ANKRD33B: variants seen among roughly 807,000 people sequenced by gnomAD.
ANKRD33B encodes the protein ankyrin repeat domain 33B.
In ANKRD33B, 6 loss-of-function variants were observed where a neutral mutation model predicts 21.5. The observed-to-expected ratio is 0.28, with a 90% CI of 0.15 to 0.55. The LOEUF (loss-of-function observed/expected upper bound fraction) is 0.55. ANKRD33B is among the 20% of genes least tolerant of loss of function. The pLI is 0.94. For missense variants in ANKRD33B, 698 were observed against 747.2 expected, an observed-to-expected ratio of 0.93 and a Z score of 0.77; for synonymous variants, 347 against 342.4, an observed-to-expected ratio of 1.01 and a Z score of -0.15.
chr5:10,581,327 T>G (rs1271890565), intron 1 of ANKRD33B, among the ~76,000 whole-genome samples: 2 of 152,272 alleles, frequency 1.3e-5, no homozygotes, highest in Admixed American at 6.5e-5. Context: ...CTTGGCCCCC[T>G]GCCTTTCAGC....
chr5:10,566,561 G>T (rs868497182), intron 1 of ANKRD33B, among the ~76,000 whole-genome samples: 1 of 152,208 alleles, frequency 6.6e-6, no homozygotes, highest in Non-Finnish European at 1.5e-5. Context: ...GGCCTGGCTC[G>T]CCCAGTCCCC....
intron 3 of ANKRD33B, among the ~76,000 whole-genome samples, chr5:10,641,348 C>T (rs1014712982): frequency 4.0e-5 from 6 of 151,486 alleles, no homozygotes; most frequent in East Asian, 1.9e-4. Flanking sequence ...CCTGCCTCAG[C>T]CTCCCGAGTA....
At chr5:10,575,503 C>T (rs991880168) in intron 1 of ANKRD33B, among the ~76,000 whole-genome samples, 7 of 151,670 alleles carry the variant, frequency 4.6e-5, no homozygotes, top group Non-Finnish European at 1.0e-4. Flanking sequence ...GCCTGGCAAA[C>T]GGAACCAGTT....
Position 10,654,291 on chromosome 5 carries a change from C to T in ANKRD33B, c.*4178C>T, listed in dbSNP as rs981080532. On this transcript the variant is annotated 3_prime_UTR_variant, in exon 4 of 4. Transcript: ENST00000296657. ...GAAGGGAGACCTGGTTTGCTCTCCTCCATGACAGCCCAGCCCCTGCTGTGC... is the reference window on the plus strand; with the variant it reads ...GAAGGGAGACCTGGTTTGCTCTCCTTCATGACAGCCCAGCCCCTGCTGTGC... 15 of 152,402 alleles carry T rather than the reference C, an allele frequency of 9.8e-5. No homozygotes were observed. The highest frequency in any genetic ancestry group is 3.6e-4 in the African/African-American group (15 of 41,470). The allele number at this position is 152,402 out of a possible 1,614,324, so 9.4% of individuals were successfully genotyped here. A position where few individuals can be genotyped will look rare whatever the true frequency, so the allele number is the denominator to read the frequency against.
chr5:10,564,599 G>C lies in ANKRD33B; in HGVS notation c.132G>C (p.Ser44=). ...PADYEEFEDF[S]SLPDTRSIAS... Reference sequence around the variant, plus strand: ...ACTACGAAGAGTTTGAGGACTTCTCGAGTCTGCCAGACACCCGCAGCATCG... The same window carrying C: ...ACTACGAAGAGTTTGAGGACTTCTCCAGTCTGCCAGACACCCGCAGCATCG... Residue 44 remains serine, a synonymous_variant, in exon 1 of 4, where the codon TCG becomes TCC. Coordinates refer to ENST00000296657, the MANE Select transcript of ANKRD33B (RefSeq NM_001164440.2). 6.5e-7 allele frequency: 1 copy of C among 1,534,852 alleles called. No homozygotes were observed.
Position 10,618,381 on chromosome 5 carries a change from G to A in ANKRD33B, c.415G>A (p.Ala139Thr). 6.5e-7 allele frequency: 1 copy of A among 1,537,750 alleles called. No homozygotes were observed. Among genetic ancestry groups the A allele is most frequent in the Non-Finnish European group, 8.7e-7 (1 of 1,147,014 alleles). Residue 139 changes from alanine (A) to threonine (T), a missense_variant, in exon 2 of 4, where the codon GCC (alanine) becomes ACC (threonine). Transcript: ENST00000296657. ...CCACGGCTTTGTGGATACCGTGGTG[G>A]CCTTAGCAGAGTGCCCCCACGTTGA... ...CYHGFVDTVV[A>T]LAECPHVDVN...
Position 10,646,291 on chromosome 5 carries a change from C to T in ANKRD33B, c.638-2975C>T, listed in dbSNP as rs539766605. Among the ~76,000 whole-genome samples the T allele has an allele frequency of 5.4e-4, 83 of 152,296 alleles. 1 individual carries two copies. Among genetic ancestry groups the T allele is most frequent in the South Asian group, 3.9e-3 (19 of 4,828 alleles). On this transcript the variant is annotated intron_variant, in intron 3 of 3. Transcript: ENST00000296657. ...GCTGGCGAGAAGATGGATACAGTGG[C>T]ATTTCAGAAATCCTCTGTATTCTCT...
intron 1 of ANKRD33B, among the ~76,000 whole-genome samples, chr5:10,577,131 T>A (rs1178645351): frequency 6.7e-6 from 1 of 148,516 alleles, no homozygotes; most frequent in African/African-American, 2.5e-5. Context: ...CCCCTTCCCC[T>A]TTTCTTTTCT....
chr5:10,574,088 A>G (rs1735263396), intron 1 of ANKRD33B, among the ~76,000 whole-genome samples: 1 of 152,234 alleles, frequency 6.6e-6, no homozygotes, highest in Non-Finnish European at 1.5e-5. Context: ...ACGCACAAAC[A>G]TGCGTGAGCA....
At chr5:10,595,988 A>G (rs1372936654) in intron 1 of ANKRD33B, among the ~76,000 whole-genome samples, 1 of 152,236 alleles carries the variant, frequency 6.6e-6, no homozygotes, top group African/African-American at 2.4e-5. Context: ...GCTGACTCAT[A>G]GGAAAGTTTG....
At chr5:10,625,725 T>C (rs1736531626) in intron 2 of ANKRD33B, among the ~76,000 whole-genome samples, 2 of 152,370 alleles carry the variant, frequency 1.3e-5, no homozygotes, top group South Asian at 4.1e-4. Context: ...TTGTGTAAAA[T>C]GCATGAACCG....
At chr5:10,600,647 A>T (rs749725175) in intron 1 of ANKRD33B, among the ~76,000 whole-genome samples, 1 of 152,284 alleles carries the variant, frequency 6.6e-6, no homozygotes, top group Non-Finnish European at 1.5e-5. Flanking sequence ...CTTCATGTGG[A>T]TATAGACTTT....
intron 1 of ANKRD33B, among the ~76,000 whole-genome samples, chr5:10,598,931 T>C (rs527796481): frequency 2.0e-5 from 3 of 152,200 alleles, no homozygotes; most frequent in Non-Finnish European, 4.4e-5. Context: ...AATTGACATA[T>C]GATAAAGTAC....
intron 1 of ANKRD33B, among the ~76,000 whole-genome samples, chr5:10,579,342 G>A (rs2126551095): frequency 6.8e-6 from 1 of 146,768 alleles, no homozygotes; most frequent in Non-Finnish European, 1.5e-5. Flanking sequence ...CAAGAAGCCT[G>A]CTAAGTAATG....
intron 1 of ANKRD33B, among the ~76,000 whole-genome samples, chr5:10,580,134 C>T (rs942366215): frequency 5.3e-5 from 8 of 152,228 alleles, no homozygotes; most frequent in South Asian, 2.1e-4. Context: ...AGGACAATCA[C>T]TCCACCACCA....
At chr5:10,631,947 T>C (rs931141205) in intron 2 of ANKRD33B, among the ~76,000 whole-genome samples, 1 of 151,910 alleles carries the variant, frequency 6.6e-6, no homozygotes, top group South Asian at 2.1e-4. Context: ...CATCAGGCGG[T>C]TGGTTTATAT....
At chr5:10,580,306 CT>C (rs1735416323) in intron 1 of ANKRD33B, among the ~76,000 whole-genome samples, 1 of 152,370 alleles carries the variant, frequency 6.6e-6, no homozygotes, top group Middle Eastern at 3.4e-3. Flanking sequence ...ACACTGTCTG[CT>C]CATTCATCTC....
chr5:10,629,657 G>C (rs747693390), intron 2 of ANKRD33B, among the ~76,000 whole-genome samples: 1 of 152,206 alleles, frequency 6.6e-6, no homozygotes, highest in Non-Finnish European at 1.5e-5. Flanking sequence ...GCTGAAACTT[G>C]GATCCACAGG....
At chr5:10,580,233 G>A (rs774688072) in intron 1 of ANKRD33B, among the ~76,000 whole-genome samples, 6 of 152,206 alleles carry the variant, frequency 3.9e-5, no homozygotes, top group Non-Finnish European at 5.9e-5. Flanking sequence ...GAGGATGAGG[G>A]GCTGAGTCTT....
Sources: allele counts gnomAD v4.1 joint callset (sites outside exome capture counted in the v4.1 genomes callset), GRCh38; gene constraint gnomAD v4.1.1; transcripts MANE v1.5; gene names NCBI Gene and HGNC (gene_info 2026-07-23, HGNC 2026-07-21).